Variants in MBP observed in about 807,000 individuals in gnomAD.
The protein encoded by MBP is Golli-MBP.
A neutral mutation model predicts 35.8 loss-of-function variants in MBP; 16 were observed. The observed-to-expected ratio is 0.45, with a 90% CI of 0.30 to 0.68. The LOEUF is 0.68. MBP is among the 30% of genes least tolerant of loss of function. The pLI is 0.08. For synonymous variants in MBP, 143 were observed against 159.6 expected (o/e 0.90, Z 0.78); for missense variants, 380 against 404.7 (o/e 0.94, Z 0.52).
intron 2 of MBP, among the ~76,000 whole-genome samples, chr18:77,088,693 A>G (rs926016942): frequency 2.6e-5 from 4 of 152,180 alleles, no homozygotes; most frequent in African/African-American, 9.7e-5. Flanking sequence ...ACAAAAGATC[A>G]GTAGGATAAA....
chr18:77,082,730 G>A (rs539960305), intron 2 of MBP, among the ~76,000 whole-genome samples: 3,020 of 111,112 alleles, frequency 0.027, 26 homozygotes, highest in South Asian at 0.036. Flanking sequence ...GGCTCAGAAG[G>A]ATGAGGAATC....
chr18:76,988,888 A>T lies in MBP; in HGVS notation c.706T>A (p.Ser236Thr). The change falls in exon 6 of 9, where the codon TCG becomes ACG. Residue 236 changes from serine (S) to threonine (T), a missense_variant. Physicochemically the swap from Ser to Thr is moderately conservative, Grantham distance 58 (BLOSUM62 1). Coordinates refer to ENST00000355994, the MANE Select transcript of MBP (RefSeq NM_001025101.2). This position sits in a 1 kb window ranked among gnomAD's most constrained non-coding sequence, Gnocchi z 5.2. ...NIVTPRTPPP[S>T]QGKGRGLSLS... ...TTCCAAGGTCTTACCTTTCCCTGCGACGGGGGTGGTGTGCGAGGCGTCACC... is the reference window on the plus strand; with the variant it reads ...TTCCAAGGTCTTACCTTTCCCTGCGTCGGGGGTGGTGTGCGAGGCGTCACC... 1 of 1,613,844 alleles carries T rather than the reference A, an allele frequency of 6.2e-7. No homozygotes were observed. Among genetic ancestry groups the T allele is most frequent in the East Asian group, 2.2e-5 (1 of 44,854 alleles).
At chr18:76,980,533 C>G in intron 8 of MBP, 62 bp from the exon 9 acceptor site, 1 of 1,326,814 alleles carries the variant, frequency 7.5e-7, no homozygotes, top group Non-Finnish European at 1.1e-6. Context: ...CACCAGCATC[C>G]CCTCTTCTGT....
At chr18:77,073,121 T>C (rs1450428245) in intron 2 of MBP, among the ~76,000 whole-genome samples, 3 of 152,226 alleles carry the variant, frequency 2.0e-5, no homozygotes, top group Non-Finnish European at 4.4e-5. Context: ...GCAAATTTCA[T>C]TTCCAATCCA....
chr18:77,076,405 C>T (rs1974651929), intron 2 of MBP, among the ~76,000 whole-genome samples: 1 of 152,248 alleles, frequency 6.6e-6, no homozygotes, highest in African/African-American at 2.4e-5. Context: ...CCCAGTAGGG[C>T]AGTTTTTCAG....
intron 2 of MBP, among the ~76,000 whole-genome samples, chr18:77,079,351 C>T (rs1053762234): frequency 1.3e-5 from 2 of 152,212 alleles, no homozygotes; most frequent in East Asian, 1.9e-4. Context: ...GCCACGGCCA[C>T]TGTGGGGGAG....
At chr18:77,081,767 TACACACACAC>T (rs1208032259) in intron 2 of MBP, among the ~76,000 whole-genome samples, 7 of 99,814 alleles carry the variant, frequency 7.0e-5, no homozygotes, top group African/African-American at 2.5e-4. Flanking sequence ...TATATATATA[TACACACACAC>T]ACACACACAC....
chr18:77,011,963 T>C (rs1971378799), intron 4 of MBP, among the ~76,000 whole-genome samples: 1 of 152,236 alleles, frequency 6.6e-6, no homozygotes, highest in Admixed American at 6.5e-5. Flanking sequence ...AAGCTCCTAA[T>C]TCACCGATCA....
rs573255614 is a variant in MBP at position 77,047,285 on chromosome 18, G to A, written c.139+19013C>T. Among the ~76,000 whole-genome samples, 11 of 152,338 alleles carry A rather than the reference G, an allele frequency of 7.2e-5. No homozygotes were observed. The East Asian group carries it at 7.7e-4, about 11-fold the overall frequency. On this transcript the variant is annotated intron_variant, in intron 3 of 8. Coordinates refer to ENST00000355994, the MANE Select transcript of MBP (RefSeq NM_001025101.2). ...TGAACTGACGGTGATGTGCACACAC[G>A]ATAGAATATCCTCCTGTCGTAAGGA...
At chr18:77,084,037 C>T (rs1312366306) in intron 2 of MBP, among the ~76,000 whole-genome samples, 1 of 151,416 alleles carries the variant, frequency 6.6e-6, no homozygotes, top group Non-Finnish European at 1.5e-5. Context: ...CCCATAAACG[C>T]TCAGTTTATG....
At chr18:77,073,457 C>T (rs1177137071) in intron 2 of MBP, among the ~76,000 whole-genome samples, 1 of 152,234 alleles carries the variant, frequency 6.6e-6, no homozygotes, top group African/African-American at 2.4e-5. Context: ...TTCCCTAATA[C>T]CCAGTTCACA....
chr18:77,130,844 T>C (rs1977219465), intron 1 of MBP, among the ~76,000 whole-genome samples: 1 of 151,920 alleles, frequency 6.6e-6, no homozygotes, highest in Non-Finnish European at 1.5e-5. Flanking sequence ...CACTTTCTTA[T>C]CTTTGGGCAG....
rs575430390 is a variant in MBP, at chr18:77,077,352, C to T, written c.52-10967G>A. ...AGCCAGGGCAACAAGAGTGAGACTC[C>T]GTCGCAAAAAAAAAAAAAAAAAAAT... On this transcript the variant is annotated intron_variant, in intron 2 of 8. Transcript: ENST00000355994. 3.4e-3 allele frequency among the ~76,000 whole-genome samples: 267 copies of T among 77,450 alleles called. 1 individual carries two copies. The highest frequency in any genetic ancestry group is 6.2e-3 in the Non-Finnish European group (229 of 36,786). The allele number at this position is 77,450 out of a possible 152,430, so 50.8% of individuals were successfully genotyped here.
chr18:76,996,144 C>T (rs752666939), intron 4 of MBP, among the ~76,000 whole-genome samples: 3 of 152,210 alleles, frequency 2.0e-5, no homozygotes, highest in Non-Finnish European at 4.4e-5. Context: ...GAGGGGATAC[C>T]GCACCGTTAG....
intron 4 of MBP, chr18:77,005,436 C>G (rs377511962): frequency 9.8e-4 from 150 of 152,316 alleles, no homozygotes; most frequent in African/African-American, 3.2e-3. Context: ...GTTCCTTGTC[C>G]CGAGAGACCC....
rs569572618 is a variant in MBP at position 77,052,728 on chromosome 18, G to A, written c.139+13570C>T. 3.3e-5 allele frequency among the ~76,000 whole-genome samples: 5 copies of A among 152,182 alleles called. No homozygotes were observed. In the South Asian group the frequency reaches 1.0e-3, roughly 32 times the overall value. On this transcript the variant is annotated intron_variant, in intron 3 of 8. Transcript: ENST00000355994. ...ACGCTCACCTGGAATAATCCCCCACGGGAACACAGCCACTATCCTCGCCTT... is the reference window on the plus strand; with the variant it reads ...ACGCTCACCTGGAATAATCCCCCACAGGAACACAGCCACTATCCTCGCCTT...
chr18:77,009,963 G>C (rs1031468527), intron 4 of MBP: 1 of 1,460,906 alleles, frequency 6.8e-7, no homozygotes, highest in East Asian at 2.4e-5. Flanking sequence ...GTGAGTCCGG[G>C]TGGGCGCCGC....
intron 3 of MBP, among the ~76,000 whole-genome samples, chr18:77,055,164 C>T (rs1360989771): frequency 1.3e-5 from 2 of 152,204 alleles, no homozygotes; most frequent in African/African-American, 2.4e-5. Context: ...TCTGTACCAC[C>T]TTCTGTGGTA....
intron 1 of MBP, among the ~76,000 whole-genome samples, chr18:77,130,459 C>G (rs1977204174): frequency 7.2e-6 from 1 of 139,614 alleles, no homozygotes; most frequent in South Asian, 2.3e-4. Flanking sequence ...GCCGTCCCGA[C>G]TGTTATCCGA....
Sources: gnomAD v4.1 joint callset for allele counts (sites outside exome capture counted in the v4.1 genomes callset) on GRCh38, gnomAD v4.1.1 for gene constraint, Gnocchi (gnomAD v3.1) non-coding constraint, MANE v1.5 for transcripts, NCBI Gene and HGNC (gene_info 2026-07-23, HGNC 2026-07-21) for gene names.